ASAP1: variants seen among roughly 807,000 people sequenced by gnomAD.
ASAP1 encodes arf-GAP with SH3 domain, ANK repeat and PH domain-containing protein 1.
In ASAP1, 43 loss-of-function variants were observed where a neutral mutation model predicts 145.2. The observed-to-expected ratio is 0.30, with a 90% CI of 0.23 to 0.38. The LOEUF (loss-of-function observed/expected upper bound fraction) is 0.38. ASAP1 is among the 10% of genes least tolerant of loss of function. ASAP1 has a pLI of 1.00. For missense variants in ASAP1, 1,018 were observed against 1,355.3 expected (o/e 0.75, Z 3.91); for synonymous variants, 546 against 515.5 (o/e 1.06, Z -0.80).
chr8:130,148,829 T>C (rs1048756942), intron 13 of ASAP1, among the ~76,000 whole-genome samples: 6 of 152,062 alleles, frequency 3.9e-5, no homozygotes, highest in Admixed American at 6.6e-5. Context: ...TACTTGAGTT[T>C]TGAGGCTAAA....
At chr8:130,418,129 G>T (rs1829564393) in intron 1 of ASAP1, among the ~76,000 whole-genome samples, 1 of 152,228 alleles carries the variant, frequency 6.6e-6, no homozygotes, top group African/African-American at 2.4e-5. Flanking sequence ...TTTTATCAGA[G>T]AATAAGGTAG....
intron 3 of ASAP1, among the ~76,000 whole-genome samples, chr8:130,348,987 G>A (rs943532843): frequency 2.0e-5 from 3 of 152,224 alleles, no homozygotes; most frequent in Non-Finnish European, 4.4e-5. Flanking sequence ...CGACGAGTGG[G>A]GTGTAGAAGA....
At chr8:130,205,873 C>G (rs1434628083) in intron 5 of ASAP1, among the ~76,000 whole-genome samples, 1 of 151,952 alleles carries the variant, frequency 6.6e-6, no homozygotes, top group Non-Finnish European at 1.5e-5. Flanking sequence ...CAAATCTAAC[C>G]CCAAGGATTT....
At chr8:130,354,815 C>A (rs1475391260) in intron 3 of ASAP1, among the ~76,000 whole-genome samples, 2 of 152,204 alleles carry the variant, frequency 1.3e-5, no homozygotes, top group Non-Finnish European at 2.9e-5. Context: ...ACCGTGAACC[C>A]CTGAGCCATG....
At chr8:130,404,014 T>C (rs28707621) in intron 1 of ASAP1, among the ~76,000 whole-genome samples, 49,204 of 152,102 alleles carry the variant, frequency 0.32, 8,752 homozygotes, top group African/African-American at 0.46. Flanking sequence ...AAACTCTGCA[T>C]CTTCAGATTA....
intron 1 of ASAP1, among the ~76,000 whole-genome samples, chr8:130,411,322 T>A (rs1829255430): frequency 6.6e-6 from 1 of 152,186 alleles, no homozygotes; most frequent in African/African-American, 2.4e-5. Context: ...AGGCACAGGC[T>A]CGGAGTGCCA....
intron 3 of ASAP1, among the ~76,000 whole-genome samples, chr8:130,314,468 T>C (rs1274556394): frequency 6.6e-6 from 1 of 152,168 alleles, no homozygotes; most frequent in African/African-American, 2.4e-5. Flanking sequence ...AGGTAACAAA[T>C]TGTCCAAAAA....
At chr8:130,054,884 G>A (rs774516856) in intron 29 of ASAP1, 79 bp from the exon 30 acceptor site, 3 of 1,116,272 alleles carry the variant, frequency 2.7e-6, no homozygotes, top group Non-Finnish European at 4.1e-6. Flanking sequence ...TAAGAGCCCA[G>A]CCTAGTCTGC....
At chr8:130,300,075 C>T (rs1378472957) in intron 3 of ASAP1, among the ~76,000 whole-genome samples, 1 of 149,450 alleles carries the variant, frequency 6.7e-6, no homozygotes, top group Non-Finnish European at 1.5e-5. Context: ...GCTATTAACA[C>T]ATACAGTTTC....
chr8:130,056,213 T>A (rs2097403753), intron 29 of ASAP1, among the ~76,000 whole-genome samples: 1 of 152,242 alleles, frequency 6.6e-6, no homozygotes, highest in Non-Finnish European at 1.5e-5. Context: ...ACATGCTTTA[T>A]CCAAGGCCCA....
chr8:130,092,091 G>C lies in ASAP1; in HGVS notation c.2454C>G (p.Gly818=). The C allele has an allele frequency of 6.4e-7, 1 of 1,569,106 alleles. No individual in the cohort carries two copies. Among genetic ancestry groups the C allele is most frequent in the Non-Finnish European group, 8.6e-7 (1 of 1,163,724 alleles). The change falls in exon 25 of 30, where the codon GGC becomes GGG. Residue 818 remains glycine, a synonymous_variant. Transcript: ENST00000518721. Reference sequence around the variant, plus strand: ...GCCTCTTCTTGGATAGGGTGGAGCTGCCACTAGAGGTCTGGGTGCTTAGAG... The same window carrying C: ...GCCTCTTCTTGGATAGGGTGGAGCTCCCACTAGAGGTCTGGGTGCTTAGAG... ...TLPLSTQTSS[G]SSTLSKKRPP...
At position 130,054,557 on chromosome 8, in the gene ASAP1, T is replaced by C. The variant is rs2134973451; in HGVS notation, c.*174A>G. Reference sequence around the variant, plus strand: ...GGGTCCGAGGCTACCCTCATACTGGTGAAGGCAGAAAACCACAGGATATTT... The same window carrying C: ...GGGTCCGAGGCTACCCTCATACTGGCGAAGGCAGAAAACCACAGGATATTT... On this transcript the variant is annotated 3_prime_UTR_variant, in exon 30 of 30. Coordinates refer to ENST00000518721, the MANE Select transcript of ASAP1 (RefSeq NM_018482.4). 1.7e-6 allele frequency: 1 copy of C among 577,450 alleles called. No homozygotes were observed. The highest frequency in any genetic ancestry group is 3.1e-6 in the Non-Finnish European group (1 of 318,496). 35.8% of individuals were successfully genotyped at this position (577,450 alleles called of 1,614,324 possible).
At chr8:130,432,743 T>G (rs576372767) in intron 1 of ASAP1, among the ~76,000 whole-genome samples, 1 of 152,048 alleles carries the variant, frequency 6.6e-6, no homozygotes. Context: ...TCTTCCTACA[T>G]GTCTCTTTTT....
intron 6 of ASAP1, among the ~76,000 whole-genome samples, chr8:130,187,545 A>G (rs1376805150): frequency 6.6e-6 from 1 of 151,808 alleles, no homozygotes; most frequent in Non-Finnish European, 1.5e-5. Flanking sequence ...CTTCCTGAGT[A>G]GCTAGAACTA....
intron 2 of ASAP1, among the ~76,000 whole-genome samples, chr8:130,360,181 G>C (rs1371568335): frequency 6.6e-6 from 1 of 152,206 alleles, no homozygotes; most frequent in Non-Finnish European, 1.5e-5. Flanking sequence ...AATACATAAA[G>C]TGGAGTAAAT....
intron 2 of ASAP1, among the ~76,000 whole-genome samples, chr8:130,390,314 G>A (rs1415044577): frequency 1.3e-5 from 2 of 152,188 alleles, no homozygotes; most frequent in African/African-American, 4.8e-5. Flanking sequence ...GGCAGACACA[G>A]AATATTTCCA....
intron 10 of ASAP1, among the ~76,000 whole-genome samples, chr8:130,168,414 G>A (rs1218057062): frequency 6.6e-6 from 1 of 152,168 alleles, no homozygotes; most frequent in Non-Finnish European, 1.5e-5. Flanking sequence ...GGAGGCCAAG[G>A]CGGGTGGATC....
intron 5 of ASAP1, among the ~76,000 whole-genome samples, chr8:130,197,240 C>T (rs773710634): frequency 4.6e-5 from 7 of 152,200 alleles, no homozygotes; most frequent in African/African-American, 7.2e-5. Context: ...CCCGCCTAGG[C>T]GACATGGTGA....
chr8:130,054,645 C>A lies in ASAP1; in HGVS notation c.*86G>T, dbSNP rs1220497676. 4.4e-6 allele frequency: 5 copies of A among 1,131,306 alleles called. No individual in the cohort carries two copies. Among genetic ancestry groups the A allele is most frequent in the Non-Finnish European group, 6.7e-6 (5 of 746,302 alleles). The allele number at this position is 1,131,306 out of a possible 1,614,324, so 70.1% of individuals were successfully genotyped here. A position where few individuals can be genotyped will look rare whatever the true frequency, so the allele number is the denominator to read the frequency against. ...CCATGAGTTTCTTACTCTGTAACAG[C>A]AGCTATATACACACTGTGCCCAGGG... On this transcript the variant is annotated 3_prime_UTR_variant, in exon 30 of 30. Transcript: ENST00000518721.
Sources: gnomAD v4.1 joint callset for allele counts (sites outside exome capture counted in the v4.1 genomes callset) on GRCh38, gnomAD v4.1.1 for gene constraint, MANE v1.5 for transcripts, NCBI Gene and HGNC (gene_info 2026-07-23, HGNC 2026-07-21) for gene names.